KSR2: variants seen among roughly 807,000 people sequenced by gnomAD.
KSR2 encodes the protein kinase suppressor of ras 2.
In KSR2, 25 loss-of-function variants were observed where a neutral mutation model predicts 107.8. The ratio of observed to expected loss-of-function variants is 0.23; its 90% CI spans 0.17 to 0.32. The LOEUF (loss-of-function observed/expected upper bound fraction) is 0.32, where lower values mean the gene tolerates loss of function less well. Among genes scored for constraint, KSR2 ranks in the 10% least tolerant of loss-of-function variants. The probability of loss-of-function intolerance (pLI) is 1.00; values close to 1 mark genes in which losing one functional copy is unlikely to be tolerated. For synonymous variants in KSR2, 480 were observed against 507.0 expected (o/e 0.95, Z 0.71); for missense variants, 887 against 1,268.9 (o/e 0.70, Z 4.57).
chr12:117,762,333 C>A, intron 3 of KSR2, among the ~76,000 whole-genome samples: 1 of 152,340 alleles, frequency 6.6e-6, no homozygotes, highest in Middle Eastern at 3.4e-3. Flanking sequence ...TCAGCCACCG[C>A]ATACTTCCTC....
intron 16 of KSR2, among the ~76,000 whole-genome samples, chr12:117,481,450 G>A (rs574972268): frequency 1.1e-4 from 17 of 152,082 alleles, no homozygotes; most frequent in African/African-American, 3.6e-4. Context: ...TCTCTCTTTC[G>A]GTGCACAGAG....
chr12:117,819,350 C>G (rs550204413), intron 3 of KSR2, among the ~76,000 whole-genome samples: 2 of 152,354 alleles, frequency 1.3e-5, no homozygotes, highest in South Asian at 4.1e-4. Context: ...ACGGCATCTT[C>G]TAAGTGAGGG....
chr12:117,557,774 C>A (rs928942178), intron 8 of KSR2, among the ~76,000 whole-genome samples: 8 of 152,108 alleles, frequency 5.3e-5, no homozygotes, highest in African/African-American at 1.9e-4. Flanking sequence ...GAAAGTCCCT[C>A]GGAGATAAAT....
chr12:117,761,589 T>C, intron 3 of KSR2, 65 bp from the exon 4 acceptor site: 1 of 1,422,266 alleles, frequency 7.0e-7, no homozygotes, highest in Non-Finnish European at 9.9e-7. Flanking sequence ...AGTTACACCA[T>C]ACACACCATT....
intron 1 of KSR2, among the ~76,000 whole-genome samples, chr12:117,919,056 T>C (rs1353910094): frequency 6.6e-6 from 1 of 152,172 alleles, no homozygotes; most frequent in Non-Finnish European, 1.5e-5. Context: ...GAGGATCGCT[T>C]GAACCCAAGA....
intron 3 of KSR2, among the ~76,000 whole-genome samples, chr12:117,771,659 G>A (rs1165173597): frequency 6.6e-6 from 1 of 152,144 alleles, no homozygotes; most frequent in East Asian, 1.9e-4. Flanking sequence ...AAGTTCTGCT[G>A]TTATCCCCAT....
intron 4 of KSR2, chr12:117,674,215 T>A (rs75618425): frequency 0.012 from 5,405 of 462,156 alleles, 244 homozygotes; most frequent in African/African-American, 0.096. Flanking sequence ...TACATTGTCT[T>A]TGAATGAGTT....
At chr12:117,584,065 C>G (rs568555530) in intron 5 of KSR2, among the ~76,000 whole-genome samples, 5 of 152,264 alleles carry the variant, frequency 3.3e-5, no homozygotes, top group South Asian at 2.1e-4. Context: ...CCAATTCTGC[C>G]CTTGTAAAGC....
chr12:117,747,277 T>C (rs182038832), intron 4 of KSR2, among the ~76,000 whole-genome samples: 4 of 152,296 alleles, frequency 2.6e-5, no homozygotes, highest in Non-Finnish European at 5.9e-5. Flanking sequence ...ATCATGTCCT[T>C]TGCAGGGACA....
At chr12:117,717,352 C>T (rs867543055) in intron 4 of KSR2, among the ~76,000 whole-genome samples, 1 of 152,070 alleles carries the variant, frequency 6.6e-6, no homozygotes. Flanking sequence ...GAGACCTCAT[C>T]TCCACAAAAA....
chr12:117,884,049 C>T (rs376707774), intron 1 of KSR2, among the ~76,000 whole-genome samples: 1 of 151,980 alleles, frequency 6.6e-6, no homozygotes, highest in Non-Finnish European at 1.5e-5. Context: ...AAAATAATGC[C>T]GTTTGTCCTG....
chr12:117,943,366 A>G (rs987456996), intron 1 of KSR2, among the ~76,000 whole-genome samples: 1 of 152,062 alleles, frequency 6.6e-6, no homozygotes, highest in African/African-American at 2.4e-5. Flanking sequence ...GTCACATTGA[A>G]CCATCATGTA....
At chr12:117,877,602 C>T (rs1893899507) in intron 1 of KSR2, among the ~76,000 whole-genome samples, 1 of 152,130 alleles carries the variant, frequency 6.6e-6, no homozygotes, top group Admixed American at 6.6e-5. Context: ...GTCATATGCA[C>T]TCTAAGGGCT....
At chr12:117,612,992 G>A (rs1203920499) in intron 5 of KSR2, among the ~76,000 whole-genome samples, 2 of 152,182 alleles carry the variant, frequency 1.3e-5, no homozygotes, top group Non-Finnish European at 2.9e-5. Flanking sequence ...CAGCCATGTG[G>A]AACTGCAAGT....
At chr12:117,633,635 A>G (rs1593073215) in intron 5 of KSR2, among the ~76,000 whole-genome samples, 3 of 152,022 alleles carry the variant, frequency 2.0e-5, no homozygotes, top group Admixed American at 1.3e-4. Context: ...TATAACTCCA[A>G]TCTCTGCCTC....
intron 5 of KSR2, among the ~76,000 whole-genome samples, chr12:117,611,448 A>ACACACACACACACACACG (rs1341275503): frequency 2.6e-5 from 4 of 151,796 alleles, no homozygotes; most frequent in East Asian, 3.9e-4. Flanking sequence ...ACGCACAGAC[A>ACACACACACACACACACG]CACACACACA....
At chr12:117,655,961 C>T (rs773239490) in intron 5 of KSR2, among the ~76,000 whole-genome samples, 3 of 152,134 alleles carry the variant, frequency 2.0e-5, no homozygotes, top group African/African-American at 7.2e-5. Context: ...TGACCCGGAC[C>T]CTTCAGGAAT....
At chr12:117,513,657 C>T (rs1260840145) in intron 14 of KSR2, among the ~76,000 whole-genome samples, 2 of 152,164 alleles carry the variant, frequency 1.3e-5, no homozygotes, top group Admixed American at 1.3e-4. Context: ...GGGAATGGGA[C>T]CCAGCAGTGG....
intron 5 of KSR2, among the ~76,000 whole-genome samples, chr12:117,604,677 A>G (rs143690990): frequency 4.5e-4 from 68 of 152,284 alleles, no homozygotes; most frequent in African/African-American, 1.4e-3. Context: ...GTAATTGTTA[A>G]TGAATATGTT....
Sources: allele counts gnomAD v4.1 joint callset (sites outside exome capture counted in the v4.1 genomes callset), GRCh38; gene constraint gnomAD v4.1.1; transcripts MANE v1.5; gene names NCBI Gene and HGNC (gene_info 2026-07-23, HGNC 2026-07-21).